IL1RAPL2: variants seen among roughly 807,000 people sequenced by gnomAD.
The protein encoded by IL1RAPL2 is X-linked interleukin-1 receptor accessory protein-like 2.
A neutral mutation model predicts 44.1 loss-of-function variants in IL1RAPL2; 3 were observed. The observed-to-expected ratio is 0.07, with a 90% CI of 0.03 to 0.18. IL1RAPL2 has a LOEUF of 0.18. Ranked by LOEUF, IL1RAPL2 falls within the 10% of genes least tolerant of loss-of-function variation. The pLI is 1.00. For synonymous variants in IL1RAPL2, 181 were observed against 178.8 expected, an observed-to-expected ratio of 1.01 and a Z score of -0.10; for missense variants, 391 against 496.4, an observed-to-expected ratio of 0.79 and a Z score of 2.02.
At chrX:104,620,346 T>A (rs77389655) in intron 1 of IL1RAPL2, among the ~76,000 whole-genome samples, 2 of 101,835 alleles carry the variant, frequency 2.0e-5, no homozygotes, top group East Asian at 3.3e-4. Context: ...TTTTTTTTTT[T>A]AAAGAGATGG....
intron 2 of IL1RAPL2, among the ~76,000 whole-genome samples, chrX:104,986,164 T>C (rs2030556303): frequency 8.9e-6 from 1 of 112,042 alleles, no homozygotes; most frequent in Non-Finnish European, 1.9e-5. Context: ...CTCAATTATA[T>C]GTGATCTTAC....
chrX:105,313,875 A>G (rs1168076336), intron 5 of IL1RAPL2, among the ~76,000 whole-genome samples: 1 of 111,123 alleles, frequency 9.0e-6, no homozygotes, highest in Non-Finnish European at 1.9e-5. Context: ...CTCACCATAC[A>G]CTCACATTTT....
intron 2 of IL1RAPL2, among the ~76,000 whole-genome samples, chrX:104,982,858 A>C (rs1056422196): frequency 3.6e-5 from 4 of 111,326 alleles, no homozygotes; most frequent in Admixed American, 9.6e-5. Flanking sequence ...ATTCCACTGA[A>C]ATTGTAATTG....
At chrX:105,366,694 C>T (rs887202585) in intron 5 of IL1RAPL2, among the ~76,000 whole-genome samples, 1 of 111,363 alleles carries the variant, frequency 9.0e-6, no homozygotes, top group African/African-American at 3.3e-5. Context: ...CCATTGTAGT[C>T]GGAAAAGATA....
chrX:105,706,735 C>T (rs759076429), intron 6 of IL1RAPL2, among the ~76,000 whole-genome samples: 2 of 111,812 alleles, frequency 1.8e-5, no homozygotes, highest in Non-Finnish European at 3.8e-5. Context: ...AAGCTGACTT[C>T]TGACTTTTCT....
intron 8 of IL1RAPL2, among the ~76,000 whole-genome samples, chrX:105,742,021 A>G (rs989734064): frequency 8.1e-5 from 9 of 111,357 alleles, no homozygotes; most frequent in African/African-American, 2.9e-4. Flanking sequence ...ACCTTGTGGC[A>G]AGGATCACTT....
At chrX:105,704,744 A>G (rs754180115) in intron 6 of IL1RAPL2, among the ~76,000 whole-genome samples, 3 of 111,031 alleles carry the variant, frequency 2.7e-5, no homozygotes, top group African/African-American at 9.8e-5. Flanking sequence ...TAAGCCCAGC[A>G]TGCATTAGCT....
At chrX:105,001,776 A>C (rs16984590) in intron 2 of IL1RAPL2, among the ~76,000 whole-genome samples, 6,033 of 111,048 alleles carry the variant, frequency 0.054, 445 homozygotes, top group African/African-American at 0.19. Context: ...ATGGGATCTT[A>C]ATAGATGGAT....
At chrX:105,354,752 C>T (rs2035188284) in intron 5 of IL1RAPL2, among the ~76,000 whole-genome samples, 1 of 111,547 alleles carries the variant, frequency 9.0e-6, no homozygotes, top group Non-Finnish European at 1.9e-5. Context: ...CCTAAAATCC[C>T]ACCCAGCTCA....
chrX:104,826,239 T>C (rs1309588222), intron 2 of IL1RAPL2, among the ~76,000 whole-genome samples: 1 of 112,249 alleles, frequency 8.9e-6, no homozygotes, highest in East Asian at 2.8e-4. Flanking sequence ...TGCTTTCTCC[T>C]GTAGGAATTT....
At chrX:105,004,940 CT>C (rs1427922453) in intron 2 of IL1RAPL2, among the ~76,000 whole-genome samples, 2 of 110,874 alleles carry the variant, frequency 1.8e-5, no homozygotes, top group Middle Eastern at 4.6e-3. Context: ...AGGAAAACTG[CT>C]TTGTTTAATG....
chrX:105,445,504 T>C (rs1467570278), intron 5 of IL1RAPL2, among the ~76,000 whole-genome samples: 1 of 111,119 alleles, frequency 9.0e-6, no homozygotes, highest in African/African-American at 3.3e-5. Flanking sequence ...GTATTTGAAG[T>C]TTTTCTTTTT....
At chrX:105,106,475 G>A (rs1350904152) in intron 2 of IL1RAPL2, among the ~76,000 whole-genome samples, 1 of 110,781 alleles carries the variant, frequency 9.0e-6, no homozygotes, top group Non-Finnish European at 1.9e-5. Flanking sequence ...ATGATATTAT[G>A]TATTCTGTTT....
intron 2 of IL1RAPL2, among the ~76,000 whole-genome samples, chrX:105,030,835 G>C (rs1194020131): frequency 1.8e-5 from 2 of 111,889 alleles, no homozygotes; most frequent in Admixed American, 9.5e-5. Context: ...ACCTTGGGCA[G>C]TATGGCAATT....
chrX:105,058,104 A>T (rs1329894992), intron 2 of IL1RAPL2, among the ~76,000 whole-genome samples: 2 of 105,089 alleles, frequency 1.9e-5, no homozygotes, highest in Non-Finnish European at 3.8e-5. Context: ...GCCTGCCACC[A>T]CGCCCGGCTA....
intron 2 of IL1RAPL2, among the ~76,000 whole-genome samples, chrX:105,162,417 A>T (rs1259647021): frequency 8.9e-6 from 1 of 112,266 alleles, no homozygotes; most frequent in Non-Finnish European, 1.9e-5. Context: ...AAGCACTCAA[A>T]TCAGGCACAG....
chrX:104,621,362 A>G (rs1929396656), intron 1 of IL1RAPL2, among the ~76,000 whole-genome samples: 1 of 109,206 alleles, frequency 9.2e-6, no homozygotes, highest in Non-Finnish European at 1.9e-5. Context: ...CCCCCATTGC[A>G]AGCCTGGGGT....
intron 2 of IL1RAPL2, among the ~76,000 whole-genome samples, chrX:104,908,124 A>C (rs147068386): frequency 0.34 from 37,027 of 108,864 alleles, 5,529 homozygotes; most frequent in East Asian, 0.46. Context: ...TAGGATTGCA[A>C]CCCCTGCCTT....
In IL1RAPL2 at chrX:105,012,674, C is replaced by CACAGAG. The variant is rs1258556672; in HGVS notation, c.83-182800_83-182799insCAGAGA. On this transcript the variant is annotated intron_variant, in intron 2 of 10. Transcript: ENST00000372582. ...ACACACACACACACACACACACACA[C>CACAGAG]AGAGAGAGAGAGAGAGAATAATAAA... Among the ~76,000 whole-genome samples, 499 of 80,965 alleles carry CACAGAG rather than the reference C, an allele frequency of 6.2e-3. 6 individuals carry two copies. The highest frequency in any genetic ancestry group is 0.014 in the African/African-American group (238 of 16,930). The allele number at this position is 80,965 out of a possible 115,157, so 70.3% of individuals were successfully genotyped here. A position where few individuals can be genotyped will look rare whatever the true frequency, so the allele number is the denominator to read the frequency against.
Sources: allele counts gnomAD v4.1 joint callset (sites outside exome capture counted in the v4.1 genomes callset), GRCh38; gene constraint gnomAD v4.1.1; transcripts MANE v1.5; gene names NCBI Gene and HGNC (gene_info 2026-07-23, HGNC 2026-07-21).